PDSS2: variants seen among roughly 807,000 people sequenced by gnomAD.
PDSS2 encodes the protein all trans-polyprenyl-diphosphate synthase PDSS2.
PDSS2 carries 31 observed loss-of-function variants against 44.5 expected under a neutral mutation model. The observed-to-expected ratio is 0.70, with a 90% CI of 0.52 to 0.94. The LOEUF (loss-of-function observed/expected upper bound fraction) is 0.94. PDSS2 is among the 40% of genes least tolerant of loss of function. The probability of loss-of-function intolerance (pLI) is 0.00; values close to 1 mark genes in which losing one functional copy is unlikely to be tolerated. For synonymous variants in PDSS2, 157 were observed against 180.3 expected (o/e 0.87, Z 1.03); for missense variants, 452 against 482.2 (o/e 0.94, Z 0.59).
At chr6:107,319,808 T>G (rs1216081521) in intron 2 of PDSS2, among the ~76,000 whole-genome samples, 3 of 152,202 alleles carry the variant, frequency 2.0e-5, no homozygotes, top group Non-Finnish European at 4.4e-5. Flanking sequence ...ACCCTAATAA[T>G]TTTGTATTAT....
chr6:107,331,018 T>C (rs1777694495), intron 2 of PDSS2, among the ~76,000 whole-genome samples: 1 of 152,252 alleles, frequency 6.6e-6, no homozygotes, highest in Non-Finnish European at 1.5e-5. Context: ...TCAGGTCCCG[T>C]TATCTGATAT....
chr6:107,417,211 T>A (rs1004494891), intron 1 of PDSS2, among the ~76,000 whole-genome samples: 1 of 151,744 alleles, frequency 6.6e-6, no homozygotes. Flanking sequence ...GATAAACAAA[T>A]AAATAGAAAC....
At chr6:107,204,230 C>T (rs529330280) in intron 6 of PDSS2, among the ~76,000 whole-genome samples, 26 of 152,210 alleles carry the variant, frequency 1.7e-4, no homozygotes, top group African/African-American at 5.5e-4. Flanking sequence ...CATAAGCCAC[C>T]GCGCACTGCT....
intron 7 of PDSS2, among the ~76,000 whole-genome samples, chr6:107,167,177 T>C (rs368229096): frequency 6.6e-6 from 1 of 152,070 alleles, no homozygotes; most frequent in Non-Finnish European, 1.5e-5. Context: ...GTCTATTCAG[T>C]GATTCAACTT....
chr6:107,341,292 T>C (rs931759312), intron 1 of PDSS2, among the ~76,000 whole-genome samples: 1 of 152,022 alleles, frequency 6.6e-6, no homozygotes, highest in Non-Finnish European at 1.5e-5. Context: ...AGCAAAGGAA[T>C]GTAAGATTCC....
At position 107,274,168 on chromosome 6, in the gene PDSS2, C is replaced by G; in HGVS notation, c.491G>C (p.Gly164Ala). The change falls in exon 3 of 8, where the codon GGG (glycine) becomes GCG (alanine). Residue 164 changes from glycine (G) to alanine (A), a missense_variant. By Grantham distance (60) the Gly-to-Ala change is moderately conservative. Coordinates refer to ENST00000369037, the MANE Select transcript of PDSS2 (RefSeq NM_020381.4). ...LIHIALLVHR[G>A]IVNLNELQSS... ...TTGCAACTCATTTAAATTTACTATC[C>G]CACGATGTACAAGGAGAGCAATATG... 1 of 1,613,946 alleles carries G rather than the reference C, an allele frequency of 6.2e-7. No individual in the cohort carries two copies. The highest frequency in any genetic ancestry group is 8.5e-7 in the Non-Finnish European group (1 of 1,179,842).
chr6:107,301,095 TAAGTG>T lies in PDSS2; in HGVS notation c.432-26873_432-26869del, dbSNP rs1386733431. On this transcript the variant is annotated intron_variant, in intron 2 of 7. Transcript: ENST00000369037. ...ACACACATTAAGTCCACATTACAAT[TAAGTG>T]AAGTGATGAAATTTGAAAGAATGTA... is the stretch of plus-strand genomic sequence containing the variant. Among the ~76,000 whole-genome samples, 11 of 152,346 alleles carry T rather than the reference TAAGTG, an allele frequency of 7.2e-5. No individual in the cohort carries two copies. In the East Asian group the frequency reaches 2.1e-3, roughly 29 times the overall value.
intron 1 of PDSS2, among the ~76,000 whole-genome samples, chr6:107,447,270 A>G (rs1264062929): frequency 6.6e-6 from 1 of 152,178 alleles, no homozygotes; most frequent in Non-Finnish European, 1.5e-5. Flanking sequence ...CAGGAGGCAG[A>G]GCTTGCAGTG....
At chr6:107,433,115 T>C (rs752956565) in intron 1 of PDSS2, among the ~76,000 whole-genome samples, 2 of 152,142 alleles carry the variant, frequency 1.3e-5, no homozygotes, top group Non-Finnish European at 2.9e-5. Flanking sequence ...GTAAAAATCA[T>C]CCAGGATGGA....
intron 2 of PDSS2, among the ~76,000 whole-genome samples, chr6:107,292,585 C>T (rs1298078139): frequency 2.0e-5 from 3 of 152,170 alleles, no homozygotes; most frequent in Admixed American, 1.3e-4. Flanking sequence ...TATGCATGAA[C>T]ATAATAAAGC....
chr6:107,221,492 T>C (rs11970652), intron 4 of PDSS2, among the ~76,000 whole-genome samples: 1 of 151,734 alleles, frequency 6.6e-6, no homozygotes, highest in African/African-American at 2.4e-5. Flanking sequence ...TCCTGAAAGG[T>C]GATAGATGTC....
intron 1 of PDSS2, among the ~76,000 whole-genome samples, chr6:107,334,768 G>T (rs1172245459): frequency 6.7e-6 from 1 of 149,794 alleles, no homozygotes; most frequent in African/African-American, 2.5e-5. Context: ...GACTGGTCTT[G>T]AACTCCTGGA....
At chr6:107,295,034 C>T (rs949116753) in intron 2 of PDSS2, among the ~76,000 whole-genome samples, 3 of 151,986 alleles carry the variant, frequency 2.0e-5, no homozygotes, top group East Asian at 1.9e-4. Flanking sequence ...GGGGTTCAAG[C>T]GATTCTCCTG....
chr6:107,350,238 T>G (rs1778388686), intron 1 of PDSS2, among the ~76,000 whole-genome samples: 1 of 152,194 alleles, frequency 6.6e-6, no homozygotes, highest in Admixed American at 6.5e-5. Flanking sequence ...AAGTTACACT[T>G]TCCCCCTTTA....
At position 107,289,010 on chromosome 6, in the gene PDSS2, G is replaced by A. The variant is rs1367863453; in HGVS notation, c.432-14783C>T. Among the ~76,000 whole-genome samples, 6 of 149,204 alleles carry A rather than the reference G, an allele frequency of 4.0e-5. No individual in the cohort carries two copies. In the East Asian group the frequency reaches 8.4e-4, roughly 21 times the overall value. On this transcript the variant is annotated intron_variant, in intron 2 of 7. Coordinates refer to ENST00000369037, the MANE Select transcript of PDSS2 (RefSeq NM_020381.4). The stretch of plus-strand genomic sequence containing the variant: ...GCTCACCTCACCTCTCAGGTGATCC[G>A]CCCACCTCGGCCTCCCAAAGTGCTG...
intron 1 of PDSS2, among the ~76,000 whole-genome samples, chr6:107,453,441 C>T (rs1781938677): frequency 6.6e-6 from 1 of 151,728 alleles, no homozygotes; most frequent in Admixed American, 6.6e-5. Flanking sequence ...ATTGTTCCAG[C>T]CCTATTTTTA....
intron 4 of PDSS2, among the ~76,000 whole-genome samples, chr6:107,231,771 G>A (rs897903253): frequency 1.3e-5 from 2 of 152,156 alleles, no homozygotes; most frequent in African/African-American, 4.8e-5. Flanking sequence ...AGACCAGGCT[G>A]ACCAACATGG....
chr6:107,352,033 A>G (rs1778449135), intron 1 of PDSS2, among the ~76,000 whole-genome samples: 1 of 152,216 alleles, frequency 6.6e-6, no homozygotes, highest in Non-Finnish European at 1.5e-5. Flanking sequence ...GAATTTTACA[A>G]TATCACAGTT....
At chr6:107,234,088 G>T (rs1343521476) in intron 4 of PDSS2, among the ~76,000 whole-genome samples, 1 of 152,116 alleles carries the variant, frequency 6.6e-6, no homozygotes, top group Admixed American at 6.6e-5. Context: ...TTCTCTTTTG[G>T]TGTTACTTGG....
Sources: gnomAD v4.1 joint callset for allele counts (sites outside exome capture counted in the v4.1 genomes callset) on GRCh38, gnomAD v4.1.1 for gene constraint, MANE v1.5 for transcripts, NCBI Gene and HGNC (gene_info 2026-07-23, HGNC 2026-07-21) for gene names.